PAN3: variants seen among roughly 807,000 people sequenced by gnomAD.
The protein encoded by PAN3 is PAN2-PAN3 deadenylation complex subunit PAN3.
PAN3 carries 19 observed loss-of-function variants against 96.2 expected under a neutral mutation model. That is an observed-to-expected ratio of 0.20 (90% confidence interval 0.14 to 0.29). PAN3 has a LOEUF of 0.29. Ranked by LOEUF, PAN3 falls within the 10% of genes least tolerant of loss-of-function variation. PAN3 has a pLI of 1.00. For missense variants in PAN3, 882 were observed against 1,108.1 expected (o/e 0.80, Z 2.90); for synonymous variants, 433 against 406.6 (o/e 1.06, Z -0.78).
intron 5 of PAN3, 67 bp from the exon 6 acceptor site, chr13:28,220,164 C>T (rs928593169): frequency 2.7e-6 from 4 of 1,463,428 alleles, no homozygotes; most frequent in Admixed American, 3.6e-5. Context: ...GTGGAATATG[C>T]CTAGTAGATT....
At chr13:28,234,651 A>C (rs989420521) in intron 6 of PAN3, among the ~76,000 whole-genome samples, 3 of 152,140 alleles carry the variant, frequency 2.0e-5, no homozygotes, top group African/African-American at 7.2e-5. Flanking sequence ...CTTATCCTAC[A>C]TTCTGTTTGC....
At chr13:28,200,331 CT>C (rs1184051458) in intron 5 of PAN3, among the ~76,000 whole-genome samples, 1 of 152,202 alleles carries the variant, frequency 6.6e-6, no homozygotes, top group Non-Finnish European at 1.5e-5. Context: ...CATTTAACTA[CT>C]TTTCTTTCTG....
chr13:28,211,108 C>G (rs563667935), intron 5 of PAN3, among the ~76,000 whole-genome samples: 1 of 152,024 alleles, frequency 6.6e-6, no homozygotes, highest in Non-Finnish European at 1.5e-5. Context: ...TTCTTGTTGC[C>G]CAGGCTGATC....
rs563424966 is a variant in PAN3, at chr13:28,203,202, G to A, written c.852+5856G>A. Among the ~76,000 whole-genome samples the A allele has an allele frequency of 6.6e-5, 10 of 152,052 alleles. No individual in the cohort carries two copies. In the South Asian group the frequency reaches 1.9e-3, roughly 28 times the overall value. On this transcript the variant is annotated intron_variant, in intron 5 of 18. Transcript: ENST00000380958. Reference sequence around the variant, plus strand: ...TCTTGAACTCCTGGCCTCCCAAAGTGCTGGGATTACAGGTGTGAGCTGCCA... The same window carrying A: ...TCTTGAACTCCTGGCCTCCCAAAGTACTGGGATTACAGGTGTGAGCTGCCA...
chr13:28,196,376 AG>A (rs1878058537), intron 4 of PAN3, among the ~76,000 whole-genome samples: 1 of 152,202 alleles, frequency 6.6e-6, no homozygotes, highest in Non-Finnish European at 1.5e-5. Flanking sequence ...GAAGTGAGAT[AG>A]TGGAAACAAG....
intron 4 of PAN3, among the ~76,000 whole-genome samples, chr13:28,182,387 A>G (rs1263204170): frequency 1.3e-5 from 2 of 151,422 alleles, no homozygotes; most frequent in African/African-American, 2.4e-5. Context: ...GCTTCCCCCT[A>G]CTTCTTCCAT....
At chr13:28,166,786 C>T (rs1420789875) in intron 1 of PAN3, among the ~76,000 whole-genome samples, 1 of 152,174 alleles carries the variant, frequency 6.6e-6, no homozygotes, top group Non-Finnish European at 1.5e-5. Context: ...TTTTGCCCTC[C>T]AGAGTGGAGG....
At chr13:28,148,738 C>T (rs1870995313) in intron 1 of PAN3, among the ~76,000 whole-genome samples, 1 of 152,134 alleles carries the variant, frequency 6.6e-6, no homozygotes. Flanking sequence ...TACACATATG[C>T]ATGAGTGCAC....
At chr13:28,142,496 T>A (rs1367122815) in intron 1 of PAN3, among the ~76,000 whole-genome samples, 12 of 149,502 alleles carry the variant, frequency 8.0e-5, no homozygotes, top group African/African-American at 2.8e-4. Flanking sequence ...TGTGAGGCAG[T>A]TAAAATAGAT....
chr13:28,292,595 TTCA>T lies in PAN3; in HGVS notation c.*79_*81del. On this transcript the variant is annotated 3_prime_UTR_variant, in exon 19 of 19. Coordinates refer to ENST00000380958, the MANE Select transcript of PAN3 (RefSeq NM_175854.8). ...AGCAAATTGCACTACAGCTGAACTT[TTCA>T]TCATCTCATTCACATTTGGGAAACG... The T allele has an allele frequency of 7.1e-7, 1 of 1,412,806 alleles. No homozygotes were observed. The highest frequency in any genetic ancestry group is 9.5e-7 in the Non-Finnish European group (1 of 1,057,978). The allele number at this position is 1,412,806 out of a possible 1,614,324, so 87.5% of individuals were successfully genotyped here.
intron 5 of PAN3, chr13:28,215,575 T>C: frequency 2.7e-6 from 2 of 753,456 alleles, no homozygotes; most frequent in Admixed American, 4.1e-5. Flanking sequence ...ATCAGTGCTG[T>C]CTATGCCCTT....
chr13:28,163,590 A>T (rs1593388160), intron 1 of PAN3, among the ~76,000 whole-genome samples: 1 of 152,352 alleles, frequency 6.6e-6, no homozygotes, highest in African/African-American at 2.4e-5. Flanking sequence ...TGTAAATGGC[A>T]CAAGTAGGAC....
intron 18 of PAN3, among the ~76,000 whole-genome samples, chr13:28,291,692 G>T (rs932689846): frequency 6.6e-6 from 1 of 152,058 alleles, no homozygotes; most frequent in Non-Finnish European, 1.5e-5. Flanking sequence ...TTAGCTGGGC[G>T]TGGTGGCAGG....
intron 7 of PAN3, 115 bp from the exon 8 acceptor site, chr13:28,260,332 T>C: frequency 1.4e-6 from 1 of 697,346 alleles, no homozygotes; most frequent in Non-Finnish European, 2.5e-6. Context: ...AGGCAGAGCT[T>C]GTAGTGAGCC....
At chr13:28,194,450 G>GTGTATA (rs1555276517) in intron 4 of PAN3, among the ~76,000 whole-genome samples, 13 of 100,056 alleles carry the variant, frequency 1.3e-4, no homozygotes, top group East Asian at 9.2e-4. Context: ...ATATATGTAT[G>GTGTATA]TATATATATA....
chr13:28,243,919 C>T (rs1883925327), intron 6 of PAN3, among the ~76,000 whole-genome samples: 2 of 152,178 alleles, frequency 1.3e-5, no homozygotes, highest in South Asian at 4.1e-4. Flanking sequence ...AACTCCTGAC[C>T]TCGTGATCCA....
intron 17 of PAN3, among the ~76,000 whole-genome samples, chr13:28,285,625 C>T (rs1462986612): frequency 1.3e-5 from 2 of 152,150 alleles, no homozygotes; most frequent in African/African-American, 4.8e-5. Flanking sequence ...CTGGAATTCT[C>T]ATCGCTCAGA....
At chr13:28,239,189 G>A (rs1390381601) in intron 6 of PAN3, among the ~76,000 whole-genome samples, 24 of 59,836 alleles carry the variant, frequency 4.0e-4, no homozygotes, top group Admixed American at 1.6e-3. Flanking sequence ...ACACACACAC[G>A]CATGCACACA....
chr13:28,289,533 A>G (rs761362260), intron 18 of PAN3, among the ~76,000 whole-genome samples: 40 of 152,160 alleles, frequency 2.6e-4, no homozygotes, highest in Non-Finnish European at 5.1e-4. Flanking sequence ...CCACCCCCAA[A>G]GTGTTGGGAT....
Sources: allele counts gnomAD v4.1 joint callset (sites outside exome capture counted in the v4.1 genomes callset), GRCh38; gene constraint gnomAD v4.1.1; transcripts MANE v1.5; gene names NCBI Gene and HGNC (gene_info 2026-07-23, HGNC 2026-07-21).